TENM3: variants seen among roughly 807,000 people sequenced by gnomAD.
The protein encoded by TENM3 is teneurin transmembrane protein 3.
A neutral mutation model predicts 255.1 loss-of-function variants in TENM3; 63 were observed. The ratio of observed to expected loss-of-function variants is 0.25; its 90% confidence interval spans 0.20 to 0.30. The LOEUF (loss-of-function observed/expected upper bound fraction) is 0.30. Ranked by LOEUF, TENM3 falls within the 10% of genes least tolerant of loss-of-function variation. The probability of loss-of-function intolerance (pLI) is 1.00; values close to 1 mark genes in which losing one functional copy is unlikely to be tolerated. For synonymous variants in TENM3, 1,306 were observed against 1,322.3 expected (o/e 0.99, Z 0.27); for missense variants, 2,929 against 3,461.1 (o/e 0.85, Z 3.86).
chr4:182,436,207 T>G (rs1160240170), intron 3 of TENM3, among the ~76,000 whole-genome samples: 3 of 152,186 alleles, frequency 2.0e-5, no homozygotes, highest in Non-Finnish European at 4.4e-5. Context: ...GGAGTCATGT[T>G]AACAATATTT....
the TENM3 span, among the ~76,000 whole-genome samples, chr4:181,940,107 A>G: frequency 1.3e-5 from 2 of 152,228 alleles, no homozygotes; most frequent in African/African-American, 2.4e-5. Flanking sequence ...ATAAAAAATA[A>G]CAGTGATAAT....
intron 22 of TENM3, among the ~76,000 whole-genome samples, chr4:182,755,589 A>G (rs982593868): frequency 2.6e-5 from 4 of 152,172 alleles, no homozygotes; most frequent in Admixed American, 1.3e-4. Context: ...CTGTAATCCC[A>G]GCACTTTGGG....
chr4:182,673,005 G>T lies in TENM3; in HGVS notation c.1112G>T (p.Gly371Val). 6.4e-7 allele frequency: 1 copy of T among 1,568,746 alleles called. No individual in the cohort carries two copies. Among genetic ancestry groups the T allele is most frequent in the South Asian group, 1.2e-5 (1 of 85,852 alleles). Residue 371 changes from glycine to valine, a missense_variant and splice_region_variant, in exon 7 of 28, where the codon GGA becomes GTA. Around this residue, in one of 6 missense-constraint regions of TENM3, gnomAD observed 1,608 missense variants for 1,884.4 expected, o/e 0.85. Transcript: ENST00000511685. ...NTVSLPSGDN[G>V]KLGGFTQENN... is the part of the protein sequence containing the mutation. ...TCATCAGTGCATCTCTTACATTCAGGAAAATTAGGTGGATTTACGCAAGAA... is the reference window on the plus strand; with the variant it reads ...TCATCAGTGCATCTCTTACATTCAGTAAAATTAGGTGGATTTACGCAAGAA...
chr4:182,748,772 C>T (rs1762179168), intron 19 of TENM3, among the ~76,000 whole-genome samples: 1 of 152,156 alleles, frequency 6.6e-6, no homozygotes, highest in Admixed American at 6.5e-5. Context: ...GGGAATATTT[C>T]CAGAGGCTAA....
intron 24 of TENM3, among the ~76,000 whole-genome samples, chr4:182,786,129 T>C (rs1202674844): frequency 6.6e-6 from 1 of 152,084 alleles, no homozygotes; most frequent in East Asian, 1.9e-4. Context: ...AAAAGAAAAA[T>C]CATACCTTCT....
chr4:181,834,389 C>T, the TENM3 span, among the ~76,000 whole-genome samples: 2 of 152,184 alleles, frequency 1.3e-5, no homozygotes, highest in Non-Finnish European at 2.9e-5. Context: ...CTGTCAGTCA[C>T]AAACCATTTT....
At chr4:181,655,493 G>C in the TENM3 span, among the ~76,000 whole-genome samples, 1 of 149,876 alleles carries the variant, frequency 6.7e-6, no homozygotes, top group African/African-American at 2.4e-5. Context: ...CTGTGAGCAA[G>C]AGAGAGCATG....
the TENM3 span, among the ~76,000 whole-genome samples, chr4:181,520,040 G>A: frequency 1.3e-5 from 2 of 152,186 alleles, no homozygotes; most frequent in African/African-American, 4.8e-5. Flanking sequence ...GAGGCCGCCT[G>A]GCCACTGAAG....
At chr4:182,169,830 A>G (rs1244996317) in intron 1 of TENM3, among the ~76,000 whole-genome samples, 2 of 152,014 alleles carry the variant, frequency 1.3e-5, no homozygotes, top group Non-Finnish European at 2.9e-5. Context: ...CAGGTTTTGA[A>G]GCTTCTGTGG....
intron 4 of TENM3, among the ~76,000 whole-genome samples, chr4:182,612,989 T>A (rs944870308): frequency 3.3e-5 from 5 of 152,206 alleles, no homozygotes; most frequent in African/African-American, 1.2e-4. Flanking sequence ...CGGAAATTCT[T>A]TTATTCTTCA....
chr4:182,442,875 CACACATAT>C lies in TENM3; in HGVS notation c.511+95948_511+95955del, dbSNP rs777148453. Among the ~76,000 whole-genome samples the C allele has an allele frequency of 2.7e-5, 4 of 149,952 alleles. No individual in the cohort carries two copies. The East Asian group carries it at 7.8e-4, about 29-fold the overall frequency. ...ACACACACACACACACACACACACA[CACACATAT>C]ATATATATATGGGTTCTTTTCTGTA... On this transcript the variant is annotated intron_variant, in intron 3 of 27. Coordinates refer to ENST00000511685, the MANE Select transcript of TENM3 (RefSeq NM_001080477.4).
chr4:181,568,874 C>T, the TENM3 span, among the ~76,000 whole-genome samples: 28 of 152,202 alleles, frequency 1.8e-4, no homozygotes, highest in Non-Finnish European at 3.2e-4. Flanking sequence ...AAGTTGTAAT[C>T]CTTTGGAGGA....
At chr4:181,929,437 G>A in the TENM3 span, among the ~76,000 whole-genome samples, 1 of 151,800 alleles carries the variant, frequency 6.6e-6, no homozygotes, top group Non-Finnish European at 1.5e-5. Flanking sequence ...GACAAAGAAG[G>A]GCATTATATA....
chr4:182,169,375 C>T (rs760223388), intron 1 of TENM3: 3 of 455,038 alleles, frequency 6.6e-6, no homozygotes, highest in South Asian at 3.2e-5. Context: ...CAGCAGGATT[C>T]TCCCAAAAAT....
At chr4:181,892,084 T>C in the TENM3 span, among the ~76,000 whole-genome samples, 146,720 of 152,276 alleles carry the variant, frequency 0.96, 70,928 homozygotes, top group East Asian at 1. Flanking sequence ...GACTTCCCAG[T>C]CTCCAAAACT....
intron 3 of TENM3, among the ~76,000 whole-genome samples, chr4:182,519,666 C>T (rs1192803999): frequency 3.9e-5 from 6 of 152,132 alleles, no homozygotes; most frequent in African/African-American, 1.4e-4. Flanking sequence ...TGCTGTAGCA[C>T]AGTACATCTC....
the TENM3 span, among the ~76,000 whole-genome samples, chr4:181,512,680 A>T: frequency 6.6e-6 from 1 of 152,216 alleles, no homozygotes; most frequent in Non-Finnish European, 1.5e-5. Context: ...TTTCTGCCAC[A>T]GTCTGTGAAC....
At chr4:182,104,300 T>G in the TENM3 span, among the ~76,000 whole-genome samples, 23,394 of 151,794 alleles carry the variant, frequency 0.15, 2,214 homozygotes, top group Non-Finnish European at 0.21. Context: ...AGGTGCTTAT[T>G]ATTCAACATG....
At chr4:182,753,384 G>T in intron 20 of TENM3, 66 bp from the exon 21 acceptor site, 1 of 1,364,556 alleles carries the variant, frequency 7.3e-7, no homozygotes, top group South Asian at 1.3e-5. Flanking sequence ...TTAATAATGG[G>T]CCTAATAGTT....
Sources: gnomAD v4.1 joint callset for allele counts (sites outside exome capture counted in the v4.1 genomes callset) on GRCh38, gnomAD v4.1.1 for gene constraint, gnomAD v4.1.1 regional missense constraint, MANE v1.5 for transcripts, NCBI Gene and HGNC (gene_info 2026-07-23, HGNC 2026-07-21) for gene names.